Variants in DCC observed in about 807,000 individuals in gnomAD.
DCC encodes netrin receptor DCC.
In DCC, 58 loss-of-function variants were observed where a neutral mutation model predicts 172.5. The observed-to-expected ratio is 0.34, with a 90% CI of 0.27 to 0.42. The LOEUF (loss-of-function observed/expected upper bound fraction) is 0.42, where lower values mean the gene tolerates loss of function less well. DCC is among the 10% of genes least tolerant of loss of function. The pLI, the probability that DCC is intolerant of heterozygous loss-of-function variation, is 1.00. For missense variants in DCC, 1,740 were observed against 1,791.0 expected (o/e 0.97, Z 0.51); for synonymous variants, 709 against 644.5 (o/e 1.10, Z -1.52).
chr18:53,222,254 G>C (rs1454130365), intron 12 of DCC, among the ~76,000 whole-genome samples: 4 of 151,794 alleles, frequency 2.6e-5, no homozygotes, highest in Non-Finnish European at 5.9e-5. Flanking sequence ...TTGAATAAAA[G>C]AATACTCTGC....
chr18:53,007,300 C>T (rs1394214185), intron 5 of DCC, among the ~76,000 whole-genome samples: 2 of 152,062 alleles, frequency 1.3e-5, no homozygotes, highest in Non-Finnish European at 2.9e-5. Context: ...AGTAAATTTA[C>T]GGTAGGTTTA....
intron 1 of DCC, among the ~76,000 whole-genome samples, chr18:52,535,423 A>T (rs1775918098): frequency 6.6e-6 from 1 of 152,064 alleles, no homozygotes; most frequent in South Asian, 2.1e-4. Context: ...AGTCCTTATT[A>T]CTCATTGTAT....
At chr18:53,266,360 C>G (rs1429004314) in intron 12 of DCC, among the ~76,000 whole-genome samples, 1 of 152,106 alleles carries the variant, frequency 6.6e-6, no homozygotes, top group African/African-American at 2.4e-5. Context: ...GAGATCATCT[C>G]ACTTAATACA....
At chr18:52,889,542 TA>T (rs1253574570) in intron 2 of DCC, among the ~76,000 whole-genome samples, 5 of 152,084 alleles carry the variant, frequency 3.3e-5, no homozygotes, top group African/African-American at 1.2e-4. Context: ...GCCATCAAGG[TA>T]AAGCAGGGAT....
chr18:53,518,925 T>C (rs1281696262), intron 27 of DCC, among the ~76,000 whole-genome samples: 1 of 152,120 alleles, frequency 6.6e-6, no homozygotes, highest in Admixed American at 6.6e-5. Flanking sequence ...AAACCTTAAT[T>C]GTTGGTATAG....
intron 1 of DCC, among the ~76,000 whole-genome samples, chr18:52,593,663 GAC>G (rs1365602286): frequency 6.6e-6 from 1 of 152,076 alleles, no homozygotes; most frequent in Non-Finnish European, 1.5e-5. Flanking sequence ...TCAGCCTCAC[GAC>G]AATCGATATT....
chr18:53,104,019 A>G (rs931424169), intron 7 of DCC, among the ~76,000 whole-genome samples: 1 of 152,070 alleles, frequency 6.6e-6, no homozygotes, highest in African/African-American at 2.4e-5. Context: ...ATTTTTAAAA[A>G]TTAAAATTAA....
In DCC at chr18:53,381,560, AC is replaced by A. The variant is rs747015453; in HGVS notation, c.2360-4473del. Among the ~76,000 whole-genome samples the A allele has an allele frequency of 9.2e-3, 860 of 93,636 alleles. 7 individuals carry two copies. Among genetic ancestry groups the A allele is most frequent in the Admixed American group, 0.033 (250 of 7,474 alleles). The allele number at this position is 93,636 out of a possible 152,430, so 61.4% of individuals were successfully genotyped here. A position where few individuals can be genotyped will look rare whatever the true frequency, so the allele number is the denominator to read the frequency against. ...TTTCATTCTTTTATATTTACCCCCC[AC>A]CCCCCCCCCACCACCACCTTACCAC... On this transcript the variant is annotated intron_variant, in intron 15 of 28. Transcript: ENST00000442544.
At chr18:52,870,303 C>A (rs530239054) in intron 2 of DCC, among the ~76,000 whole-genome samples, 4 of 152,136 alleles carry the variant, frequency 2.6e-5, no homozygotes, top group South Asian at 2.1e-4. Flanking sequence ...GCCTTGGGGA[C>A]ATGGGGCACA....
intron 2 of DCC, among the ~76,000 whole-genome samples, chr18:52,888,763 T>A (rs771075416): frequency 6.6e-6 from 1 of 152,076 alleles, no homozygotes; most frequent in Non-Finnish European, 1.5e-5. Flanking sequence ...TAGTTTACCA[T>A]ATATTTTAGC....
chr18:52,677,020 C>T (rs1236555990), intron 1 of DCC, among the ~76,000 whole-genome samples: 1 of 152,106 alleles, frequency 6.6e-6, no homozygotes, highest in South Asian at 2.1e-4. Context: ...ATAATAAATC[C>T]TCTAATAGTT....
At chr18:52,442,964 C>T (rs1325092799) in intron 1 of DCC, among the ~76,000 whole-genome samples, 1 of 151,718 alleles carries the variant, frequency 6.6e-6, no homozygotes, top group Non-Finnish European at 1.5e-5. Context: ...GGATGCTTCT[C>T]ATGAGGAAAA....
chr18:52,687,640 A>G (rs1161538552), intron 1 of DCC, among the ~76,000 whole-genome samples: 1 of 152,178 alleles, frequency 6.6e-6, no homozygotes, highest in Non-Finnish European at 1.5e-5. Flanking sequence ...TTAAAAATGT[A>G]TACTCAGACT....
At chr18:53,013,013 C>G (rs1431308143) in intron 5 of DCC, among the ~76,000 whole-genome samples, 1 of 152,064 alleles carries the variant, frequency 6.6e-6, no homozygotes, top group Non-Finnish European at 1.5e-5. Flanking sequence ...AAATCAAAAC[C>G]ACAATGAGAT....
intron 2 of DCC, among the ~76,000 whole-genome samples, chr18:52,829,313 G>T (rs568166799): frequency 4.3e-4 from 66 of 152,268 alleles, no homozygotes; most frequent in Middle Eastern, 6.8e-3. Flanking sequence ...AGTAGGATCC[G>T]TATGCTGGTA....
At chr18:52,782,803 T>C (rs1318233019) in intron 2 of DCC, among the ~76,000 whole-genome samples, 1 of 152,024 alleles carries the variant, frequency 6.6e-6, no homozygotes, top group South Asian at 2.1e-4. Context: ...GTTAAGTGAG[T>C]TGTGAATTTG....
At chr18:53,002,874 C>T (rs553721803) in intron 5 of DCC, among the ~76,000 whole-genome samples, 1 of 152,136 alleles carries the variant, frequency 6.6e-6, no homozygotes, top group African/African-American at 2.4e-5. Flanking sequence ...CAGTGAGGAG[C>T]TGTATCAGCA....
chr18:52,732,265 G>T (rs2036653943), intron 1 of DCC, among the ~76,000 whole-genome samples: 1 of 152,164 alleles, frequency 6.6e-6, no homozygotes, highest in South Asian at 2.1e-4. Flanking sequence ...GCCAGGAAGG[G>T]CAGGCTTGGA....
chr18:52,532,489 A>T (rs1216916839), intron 1 of DCC, among the ~76,000 whole-genome samples: 1 of 152,180 alleles, frequency 6.6e-6, no homozygotes, highest in Non-Finnish European at 1.5e-5. Flanking sequence ...GATTCAAATG[A>T]TCTTTCTCCA....
Sources: allele counts gnomAD v4.1 joint callset (sites outside exome capture counted in the v4.1 genomes callset), GRCh38; gene constraint gnomAD v4.1.1; transcripts MANE v1.5; gene names NCBI Gene and HGNC (gene_info 2026-07-23, HGNC 2026-07-21).